The following SOS1 variants were observed in gnomAD, a reference collection of about 807,000 sequenced individuals.
SOS1 encodes SOS Ras/Rac guanine nucleotide exchange factor 1.
SOS1 carries 25 observed loss-of-function variants against 157.6 expected under a neutral mutation model. The observed-to-expected ratio is 0.16, with a 90% CI of 0.12 to 0.22. The LOEUF (loss-of-function observed/expected upper bound fraction) is 0.22. Among genes scored for constraint, SOS1 ranks in the 10% least tolerant of loss-of-function variants. The probability of loss-of-function intolerance (pLI) is 1.00; values close to 1 mark genes in which losing one functional copy is unlikely to be tolerated. For synonymous variants in SOS1, 528 were observed against 534.0 expected, an observed-to-expected ratio of 0.99 and a Z score of 0.16; for missense variants, 1,237 against 1,599.1, an observed-to-expected ratio of 0.77 and a Z score of 3.86.
At chr2:39,042,037 T>C (rs539517873) in intron 6 of SOS1, among the ~76,000 whole-genome samples, 1 of 152,202 alleles carries the variant, frequency 6.6e-6, no homozygotes, top group East Asian at 1.9e-4. Context: ...TCTATGTATA[T>C]ATTTTTTTCA....
chr2:39,105,569 C>T (rs1005696817), intron 1 of SOS1, among the ~76,000 whole-genome samples: 4 of 152,076 alleles, frequency 2.6e-5, no homozygotes, highest in Non-Finnish European at 5.9e-5. Context: ...TCCATGCTTG[C>T]CATACAAATA....
At chr2:39,065,843 GAAC>G (rs1017195062) in intron 2 of SOS1, among the ~76,000 whole-genome samples, 5 of 152,034 alleles carry the variant, frequency 3.3e-5, no homozygotes, top group African/African-American at 4.8e-5. Context: ...ATTCAACAGT[GAAC>G]AACAACAACA....
intron 19 of SOS1, among the ~76,000 whole-genome samples, chr2:38,995,987 G>A (rs1341879693): frequency 6.6e-6 from 1 of 152,154 alleles, no homozygotes; most frequent in Non-Finnish European, 1.5e-5. Flanking sequence ...ACAAGGGCTT[G>A]AGAAATTTTG....
intron 1 of SOS1, among the ~76,000 whole-genome samples, chr2:39,070,914 G>C (rs1453225096): frequency 1.3e-5 from 2 of 152,306 alleles, no homozygotes; most frequent in African/African-American, 4.8e-5. Flanking sequence ...TCAGGCTGGA[G>C]TGCAGTGGTG....
At chr2:39,034,661 C>T (rs1252772562) in intron 8 of SOS1, among the ~76,000 whole-genome samples, 1 of 152,124 alleles carries the variant, frequency 6.6e-6, no homozygotes, top group Admixed American at 6.6e-5. Flanking sequence ...GAACTGTGAT[C>T]AAATGGGCAA....
At chr2:39,094,342 A>G in intron 1 of SOS1, among the ~76,000 whole-genome samples, 1 of 152,126 alleles carries the variant, frequency 6.6e-6, no homozygotes, top group East Asian at 1.9e-4. Context: ...GGGAGCCTCG[A>G]TAATTTTTTA....
At chr2:39,048,214 C>T (rs1311197013) in intron 6 of SOS1, among the ~76,000 whole-genome samples, 2 of 152,068 alleles carry the variant, frequency 1.3e-5, no homozygotes, top group Admixed American at 6.5e-5. Context: ...CTTCTACAAA[C>T]TTGATTATTT....
intron 1 of SOS1, among the ~76,000 whole-genome samples, chr2:39,072,683 T>C (rs969610298): frequency 4.6e-5 from 7 of 152,180 alleles, no homozygotes; most frequent in Non-Finnish European, 1.0e-4. Flanking sequence ...TGGTTACTAA[T>C]ATCCAAATAA....
chr2:38,981,613 T>TAAC lies in SOS1; in HGVS notation c.*4208_*4210dup, dbSNP rs1313001187. The TAAC allele has an allele frequency of 1.3e-5, 2 of 152,014 alleles. No homozygotes were observed. The highest frequency in any genetic ancestry group is 2.9e-5 in the Non-Finnish European group (2 of 67,972). The allele number at this position is 152,014 out of a possible 1,614,324, so 9.4% of individuals were successfully genotyped here. On this transcript the variant is annotated 3_prime_UTR_variant, in exon 23 of 23. Coordinates refer to ENST00000402219, the MANE Select transcript of SOS1 (RefSeq NM_005633.4). ...GTTTATCTTAGTAATGCCAGAAAAATAACAGCCGTTATTTTCACTTTAAAT... is the reference window on the plus strand; with the variant it reads ...GTTTATCTTAGTAATGCCAGAAAAATAACAACAGCCGTTATTTTCACTTTAAAT...
intron 1 of SOS1, among the ~76,000 whole-genome samples, chr2:39,082,926 T>C (rs2148173174): frequency 6.6e-6 from 1 of 152,308 alleles, no homozygotes; most frequent in Admixed American, 6.5e-5. Flanking sequence ...GAGGAAATGT[T>C]ATATGTGGTC....
At chr2:39,031,220 T>C (rs975154592) in intron 8 of SOS1, among the ~76,000 whole-genome samples, 2 of 152,112 alleles carry the variant, frequency 1.3e-5, no homozygotes, top group Non-Finnish European at 2.9e-5. Flanking sequence ...AATTTTAAAA[T>C]AGAGGGAAAC....
At position 38,985,993 on chromosome 2, in the gene SOS1, A is replaced by G; in HGVS notation, c.3833T>C (p.Leu1278Ser). The G allele has an allele frequency of 6.2e-7, 1 of 1,613,828 alleles. No individual in the cohort carries two copies. The highest frequency in any genetic ancestry group is 8.5e-7 in the Non-Finnish European group (1 of 1,179,860). Residue 1278 changes from leucine (L) to serine (S), a missense_variant, in exon 23 of 23, where the codon TTG becomes TCG. This residue lies in a region of SOS1 where 306 missense variants were observed against 322.6 expected (regional missense o/e 0.95). Coordinates refer to ENST00000402219, the MANE Select transcript of SOS1 (RefSeq NM_005633.4). ...GTRRHLPSPP[L>S]TQEVDLHSIA... Reference sequence around the variant, plus strand: ...GGAATGAAGGTCCACTTCTTGTGTCAATGGTGGTGATGGCAGATGCCTTCT... The same window carrying G: ...GGAATGAAGGTCCACTTCTTGTGTCGATGGTGGTGATGGCAGATGCCTTCT...
rs1553353332 is a variant in SOS1, at chr2:39,006,441, G to C, written c.2762C>G (p.Ser921Cys). ...GAAAGGCACACATGGTGGATTAATA[G>C]ACCTGAGTTTTGCCAAATATTTCTT... ...HYKKYLAKLR[S>C]INPPCVPFFG... Residue 921 changes from serine to cysteine, a missense_variant, in exon 17 of 23, where the codon TCT (serine) becomes TGT (cysteine). Around this residue, in one of 15 missense-constraint regions of SOS1, gnomAD observed 105 missense variants for 236.0 expected, o/e 0.44. Coordinates refer to ENST00000402219, the MANE Select transcript of SOS1 (RefSeq NM_005633.4). The C allele has an allele frequency of 1.3e-6, 2 of 1,573,712 alleles. No individual in the cohort carries two copies. Among genetic ancestry groups the C allele is most frequent in the Non-Finnish European group, 1.7e-6 (2 of 1,143,540 alleles).
intron 1 of SOS1, among the ~76,000 whole-genome samples, chr2:39,106,644 A>G (rs1673201455): frequency 6.8e-6 from 1 of 148,028 alleles, no homozygotes; most frequent in South Asian, 2.1e-4. Context: ...GGGTCCATAA[A>G]ACCAAATCTT....
intron 10 of SOS1, among the ~76,000 whole-genome samples, chr2:39,019,099 T>G (rs1377864): frequency 0.78 from 119,011 of 151,648 alleles, 49,483 homozygotes; most frequent in Non-Finnish European, 0.92. Context: ...GTAAATACTT[T>G]AAAGAAAACG....
At chr2:39,110,788 A>G (rs750376441) in intron 1 of SOS1, among the ~76,000 whole-genome samples, 16 of 152,212 alleles carry the variant, frequency 1.1e-4, no homozygotes, top group Non-Finnish European at 1.8e-4. Context: ...AAAAAAACAT[A>G]TATTTGACTC....
intron 6 of SOS1, among the ~76,000 whole-genome samples, chr2:39,038,890 T>G (rs990728578): frequency 6.6e-6 from 1 of 152,026 alleles, no homozygotes; most frequent in African/African-American, 2.4e-5. Flanking sequence ...CTGAAAGAAT[T>G]TCTACTGTGG....
chr2:39,010,626 T>G lies in SOS1; in HGVS notation c.2468A>C (p.Lys823Thr). ...DKEINSPNLL[K>T]MIRHTTNLTL... ...GAGGTTGGTGGTATGTCGAATCATT[T>G]TCAGAAGATTAGGAGAGTTAATTTC... The change falls in exon 15 of 23, where the codon AAA becomes ACA. Residue 823 changes from lysine to threonine, a missense_variant. Lys to Thr is a moderately conservative substitution (Grantham distance 78). Coordinates refer to ENST00000402219, the MANE Select transcript of SOS1 (RefSeq NM_005633.4). 6.2e-7 allele frequency: 1 copy of G among 1,609,930 alleles called. No individual in the cohort carries two copies. The highest frequency in any genetic ancestry group is 8.5e-7 in the Non-Finnish European group (1 of 1,176,234).
At chr2:39,082,032 G>A (rs527364928) in intron 1 of SOS1, among the ~76,000 whole-genome samples, 10 of 152,146 alleles carry the variant, frequency 6.6e-5, no homozygotes, top group African/African-American at 9.6e-5. Context: ...ATTCCCTCAA[G>A]CATTTACCCT....
Sources: allele counts gnomAD v4.1 joint callset (sites outside exome capture counted in the v4.1 genomes callset), GRCh38; gene constraint gnomAD v4.1.1; regional missense constraint gnomAD v4.1.1; transcripts MANE v1.5; gene names NCBI Gene and HGNC (gene_info 2026-07-23, HGNC 2026-07-21).